The following SPIDR variants were observed in gnomAD, a reference collection of about 807,000 sequenced individuals.
SPIDR encodes DNA repair-scaffolding protein.
In SPIDR, 93 loss-of-function variants were observed where a neutral mutation model predicts 104.6. The observed-to-expected ratio is 0.89, with a 90% CI of 0.75 to 1.06. The LOEUF is 1.06. Among genes scored for constraint, SPIDR ranks in the 50% least tolerant of loss-of-function variants. SPIDR has a pLI of 0.00. For synonymous variants in SPIDR, 431 were observed against 416.9 expected (o/e 1.03, Z -0.41); for missense variants, 1,154 against 1,111.2 (o/e 1.04, Z -0.55).
At chr8:47,542,524 A>T (rs535685908) in intron 8 of SPIDR, among the ~76,000 whole-genome samples, 85 of 152,174 alleles carry the variant, frequency 5.6e-4, no homozygotes, top group Middle Eastern at 6.8e-3. Flanking sequence ...GATTTTTTTT[A>T]AAAAAAGTAA....
intron 10 of SPIDR, among the ~76,000 whole-genome samples, chr8:47,626,426 G>T (rs182515103): frequency 6.6e-6 from 1 of 152,234 alleles, no homozygotes; most frequent in African/African-American, 2.4e-5. Context: ...CACAGCAAAA[G>T]AAACTACCAT....
chr8:47,523,413 A>T (rs2084478420), intron 8 of SPIDR, among the ~76,000 whole-genome samples: 1 of 152,174 alleles, frequency 6.6e-6, no homozygotes, highest in East Asian at 1.9e-4. Flanking sequence ...TAGAGGAAAG[A>T]CGCATTTCCA....
chr8:47,554,117 G>C (rs114409490), intron 8 of SPIDR, among the ~76,000 whole-genome samples: 7 of 152,156 alleles, frequency 4.6e-5, no homozygotes, highest in Non-Finnish European at 8.8e-5. Context: ...TCAGATCTTC[G>C]TCTCAGTGGG....
intron 11 of SPIDR, among the ~76,000 whole-genome samples, chr8:47,678,853 A>G (rs2076760001): frequency 6.6e-6 from 1 of 152,172 alleles, no homozygotes; most frequent in African/African-American, 2.4e-5. Context: ...ACGGCAGCAG[A>G]TTAAGTGGTG....
At chr8:47,461,944 C>T (rs188424882) in intron 8 of SPIDR, among the ~76,000 whole-genome samples, 102 of 151,802 alleles carry the variant, frequency 6.7e-4, no homozygotes, top group African/African-American at 2.4e-3. Flanking sequence ...GGTTTGGATC[C>T]CTTCCTGGTG....
intron 10 of SPIDR, among the ~76,000 whole-genome samples, chr8:47,647,191 G>A (rs886624793): frequency 2.0e-5 from 3 of 152,140 alleles, no homozygotes; most frequent in African/African-American, 7.2e-5. Context: ...TGTGCCTACT[G>A]TGTTTCAAGC....
In SPIDR at chr8:47,576,335, G is replaced by T. The variant is rs184596141; in HGVS notation, c.1098-19476G>T. Among the ~76,000 whole-genome samples the T allele has an allele frequency of 2.0e-4, 30 of 152,258 alleles. No individual in the cohort carries two copies. In the East Asian group the frequency reaches 5.8e-3, roughly 29 times the overall value. ...CCCAGCTAATTATGTATTTTTAGTAGAGACGGGGTTTCCCCATGTTGGCCA... is the reference window on the plus strand; with the variant it reads ...CCCAGCTAATTATGTATTTTTAGTATAGACGGGGTTTCCCCATGTTGGCCA... On this transcript the variant is annotated intron_variant, in intron 8 of 19. Coordinates refer to ENST00000297423, the MANE Select transcript of SPIDR (RefSeq NM_001080394.4).
chr8:47,614,502 G>A (rs764290945), intron 10 of SPIDR, among the ~76,000 whole-genome samples: 9 of 152,272 alleles, frequency 5.9e-5, no homozygotes, highest in Admixed American at 6.5e-5. Context: ...AATTATAGGC[G>A]TAAGCCACCA....
At chr8:47,681,183 G>A (rs2077052298) in intron 11 of SPIDR, among the ~76,000 whole-genome samples, 2 of 152,202 alleles carry the variant, frequency 1.3e-5, no homozygotes, top group Non-Finnish European at 2.9e-5. Context: ...CATCAGTTTA[G>A]GAGTATGTTT....
chr8:47,727,285 G>A lies in SPIDR; in HGVS notation c.2427G>A (p.Pro809=), dbSNP rs761233565. Reference sequence around the variant, plus strand: ...GCAACGGGAGATTGGAACAGAGGCCGGAAGACAGGTAAGGGGACAGGAGCT... The same window carrying A: ...GCAACGGGAGATTGGAACAGAGGCCAGAAGACAGGTAAGGGGACAGGAGCT... ...MCGNGRLEQR[P]EDRGAFSCGD... The change falls in exon 17 of 20, where the codon CCG becomes CCA. Residue 809 remains proline, a synonymous_variant. Coordinates refer to ENST00000297423, the MANE Select transcript of SPIDR (RefSeq NM_001080394.4). The A allele has an allele frequency of 2.2e-5, 35 of 1,613,832 alleles. No individual in the cohort carries two copies. The highest frequency in any genetic ancestry group is 1.4e-4 in the South Asian group (13 of 91,064).
chr8:47,304,382 A>G (rs1193525914), intron 5 of SPIDR, among the ~76,000 whole-genome samples: 3 of 152,066 alleles, frequency 2.0e-5, no homozygotes, highest in Non-Finnish European at 2.9e-5. Flanking sequence ...AAAAGTGTGT[A>G]GTGGTCAGGC....
intron 5 of SPIDR, among the ~76,000 whole-genome samples, chr8:47,321,342 C>G (rs2046534274): frequency 6.6e-6 from 1 of 152,100 alleles, no homozygotes; most frequent in South Asian, 2.1e-4. Context: ...CTCCCATTCA[C>G]AATTGCTTCA....
intron 5 of SPIDR, among the ~76,000 whole-genome samples, chr8:47,387,149 A>G (rs570760866): frequency 3.2e-4 from 49 of 152,292 alleles, no homozygotes; most frequent in African/African-American, 1.1e-3. Context: ...AGAAAGGGCT[A>G]TGGCATCCAC....
chr8:47,700,546 C>T, intron 12 of SPIDR, 56 bp downstream of exon 12: 2 of 1,559,568 alleles, frequency 1.3e-6, no homozygotes, highest in Non-Finnish European at 1.8e-6. Flanking sequence ...TGCCAGGTGC[C>T]AAGCCAGGCG....
In SPIDR at chr8:47,291,029, A is replaced by G; in HGVS notation, c.257-4A>G. The stretch of plus-strand genomic sequence containing the variant: ...TATTTATGTGCTTTCTTTTCCTTCA[A>G]CAGAAACCACCACATCTAAAAGCAC... On this transcript the variant is annotated splice_region_variant and splice_polypyrimidine_tract_variant and intron_variant, in intron 3 of 19. Coordinates refer to ENST00000297423, the MANE Select transcript of SPIDR (RefSeq NM_001080394.4). 6.2e-6 allele frequency: 10 copies of G among 1,602,934 alleles called. No individual in the cohort carries two copies. Among genetic ancestry groups the G allele is most frequent in the African/African-American group, 4.0e-5 (3 of 74,822 alleles).
chr8:47,634,697 A>G (rs1401045668), intron 10 of SPIDR, among the ~76,000 whole-genome samples: 1 of 152,138 alleles, frequency 6.6e-6, no homozygotes, highest in Non-Finnish European at 1.5e-5. Flanking sequence ...CCTGCCCACC[A>G]TGGCTGAGTG....
At chr8:47,277,749 A>G (rs2036834147) in intron 1 of SPIDR, among the ~76,000 whole-genome samples, 1 of 141,360 alleles carries the variant, frequency 7.1e-6, no homozygotes, top group Non-Finnish European at 1.5e-5. Flanking sequence ...AACTTGGCTC[A>G]CTGCAACCTC....
intron 10 of SPIDR, among the ~76,000 whole-genome samples, chr8:47,609,992 TC>T (rs2063413109): frequency 6.6e-6 from 1 of 152,202 alleles, no homozygotes; most frequent in Non-Finnish European, 1.5e-5. Flanking sequence ...AGAGTAATTT[TC>T]CAGATTATGC....
chr8:47,333,484 A>C (rs1460117463), intron 5 of SPIDR, among the ~76,000 whole-genome samples: 1 of 151,876 alleles, frequency 6.6e-6, no homozygotes, highest in Non-Finnish European at 1.5e-5. Context: ...TTGTATTTTT[A>C]GTAGAGACAG....
Sources: allele counts gnomAD v4.1 joint callset (sites outside exome capture counted in the v4.1 genomes callset), GRCh38; gene constraint gnomAD v4.1.1; transcripts MANE v1.5; gene names NCBI Gene and HGNC (gene_info 2026-07-23, HGNC 2026-07-21).